The following AP1B1 variants were observed in gnomAD, a reference collection of about 807,000 sequenced individuals.
The protein encoded by AP1B1 is adaptor related protein complex 1 subunit beta 1.
AP1B1 carries 36 observed loss-of-function variants against 104.3 expected under a neutral mutation model. The observed-to-expected ratio is 0.35, with a 90% CI of 0.26 to 0.46. The LOEUF (loss-of-function observed/expected upper bound fraction) is 0.46. AP1B1 is among the 20% of genes least tolerant of loss of function. AP1B1 has a pLI of 1.00. For synonymous variants in AP1B1, 504 were observed against 517.5 expected (o/e 0.97, Z 0.35); for missense variants, 901 against 1,247.9 (o/e 0.72, Z 4.19).
At position 29,341,504 on chromosome 22, in the gene AP1B1, G is replaced by A. The variant is rs377532252; in HGVS notation, c.1793C>T (p.Ala598Val). The change falls in exon 13 of 23, where the codon GCC (alanine) becomes GTC (valine). Residue 598 changes from alanine to valine, a missense_variant. Coordinates refer to ENST00000357586, the MANE Select transcript of AP1B1 (RefSeq NM_001127.4). ...CCGACTGGCCAGTCTCACTCACGAGGCCGTGCGAGGTGGCAGGCTCTTGTG... is the reference window on the plus strand; with the variant it reads ...CCGACTGGCCAGTCTCACTCACGAGACCGTGCGAGGTGGCAGGCTCTTGTG... ...VVHKSLPPRT[A>V]SSESAESPET... The A allele has an allele frequency of 2.5e-6, 4 of 1,611,568 alleles. No individual in the cohort carries two copies. Among genetic ancestry groups the A allele is most frequent in the Non-Finnish European group, 3.4e-6 (4 of 1,178,210 alleles).
At chr22:29,373,328 T>C (rs953243326) in intron 1 of AP1B1, among the ~76,000 whole-genome samples, 3 of 152,172 alleles carry the variant, frequency 2.0e-5, no homozygotes, top group African/African-American at 7.2e-5. Context: ...TTCTGTGTAT[T>C]TCACATATTT....
Position 29,328,827 on chromosome 22 carries a change from C to T in AP1B1, c.2844G>A (p.Lys948=). Residue 948 remains lysine (K), a synonymous_variant, in exon 23 of 23, where the codon AAG becomes AAA. Coordinates refer to ENST00000357586, the MANE Select transcript of AP1B1 (RefSeq NM_001127.4). The surrounding 1 kb of genome is among the most constrained non-coding windows in gnomAD (Gnocchi z 4.1). ...HVYQAYETIL[K]N is the part of the protein sequence containing the mutation. ...GTGGGCGCTGGCCGGGGTCTCAGTT[C>T]TTGAGGATGGTCTCGTAGGCCTGGT... 3.7e-6 allele frequency: 6 copies of T among 1,606,542 alleles called. No individual in the cohort carries two copies. The highest frequency in any genetic ancestry group is 5.1e-6 in the Non-Finnish European group (6 of 1,178,328).
At chr22:29,382,857 C>A (rs2062459107) in intron 1 of AP1B1, among the ~76,000 whole-genome samples, 1 of 152,164 alleles carries the variant, frequency 6.6e-6, no homozygotes, top group Non-Finnish European at 1.5e-5. Context: ...GCCTTATGAT[C>A]AAGCGTGAGG....
At chr22:29,387,366 C>T (rs1015055618) in intron 1 of AP1B1, among the ~76,000 whole-genome samples, 24 of 143,790 alleles carry the variant, frequency 1.7e-4, no homozygotes, top group African/African-American at 6.0e-4. Context: ...GGAGTGCAGT[C>T]GCACGATCTC....
chr22:29,343,513 G>A (rs1244517439), intron 11 of AP1B1, among the ~76,000 whole-genome samples: 1 of 152,242 alleles, frequency 6.6e-6, no homozygotes, highest in Non-Finnish European at 1.5e-5. Flanking sequence ...TCCAAGGCAG[G>A]AGGCAGCCCA....
chr22:29,346,462 A>C (rs1030299335), intron 11 of AP1B1, among the ~76,000 whole-genome samples: 1 of 152,210 alleles, frequency 6.6e-6, no homozygotes, highest in Non-Finnish European at 1.5e-5. Context: ...TTAGGTTCTC[A>C]TAAGGAACAC....
At chr22:29,334,209 T>G in intron 17 of AP1B1, 56 bp downstream of exon 17, 3 of 1,488,586 alleles carry the variant, frequency 2.0e-6, no homozygotes, top group Non-Finnish European at 2.7e-6. Flanking sequence ...AGACTCCGAG[T>G]GGGTTCTCTC....
chr22:29,350,045 A>T lies in AP1B1; in HGVS notation c.1261T>A (p.Tyr421Asn). 1.2e-6 allele frequency: 2 copies of T among 1,614,078 alleles called. No homozygotes were observed. Among genetic ancestry groups the T allele is most frequent in the Non-Finnish European group, 1.7e-6 (2 of 1,179,920 alleles). Residue 421 changes from tyrosine to asparagine, a missense_variant, in exon 10 of 23, where the codon TAC becomes AAC. Transcript: ENST00000357586. ...IVVIKDIFRK[Y>N]PNKYESVIAT... ...AGGGCGGGCACGCACTTGTTGGGGT[A>T]CTTGCGGAAGATGTCCTTGATGACC...
intron 1 of AP1B1, among the ~76,000 whole-genome samples, chr22:29,372,763 T>C (rs1380929500): frequency 1.3e-5 from 2 of 152,176 alleles, no homozygotes; most frequent in African/African-American, 2.4e-5. Context: ...ACAAGAAATA[T>C]AGACTATCTT....
In AP1B1 at chr22:29,330,692, C is replaced by T; in HGVS notation, c.2542G>A (p.Ala848Thr). The T allele has an allele frequency of 6.2e-7, 1 of 1,613,266 alleles. No individual in the cohort carries two copies. Among genetic ancestry groups the T allele is most frequent in the Non-Finnish European group, 8.5e-7 (1 of 1,179,942 alleles). The change falls in exon 20 of 23, where the codon GCC becomes ACC. Residue 848 changes from alanine to threonine, a missense_variant. This residue lies in a region of AP1B1 where 424 missense variants were observed against 494.0 expected (regional missense o/e 0.86). Transcript: ENST00000357586. ...TCATTGGGAATATCCTTCCATGTGG[C>T]CAGGAACATCTGCCGGTCTGCGGGG... ...DGKMDRQMFL[A>T]TWKDIPNENE...
In AP1B1 at chr22:29,330,411, C is replaced by T. The variant is rs2061539391; in HGVS notation, c.2733G>A (p.Glu911=). 2 of 1,613,598 alleles carry T rather than the reference C, an allele frequency of 1.2e-6. No individual in the cohort carries two copies. The highest frequency in any genetic ancestry group is 1.7e-6 in the Non-Finnish European group (2 of 1,179,976). ...KLTNGIWVLA[E]LRIQPGNPSC... ...TGGGGTTGCCCGGCTGGATCCGCAG[C>T]TCCGCCAGCACCCAGATGCCGTTGG... The change falls in exon 21 of 23, where the codon GAG becomes GAA. Residue 911 remains glutamate (E), a synonymous_variant. Coordinates refer to ENST00000357586, the MANE Select transcript of AP1B1 (RefSeq NM_001127.4).
At chr22:29,388,206 C>A (rs746954957) in intron 1 of AP1B1, among the ~76,000 whole-genome samples, 12 of 152,178 alleles carry the variant, frequency 7.9e-5, no homozygotes, top group Non-Finnish European at 1.6e-4. Flanking sequence ...GGAGGTGCTG[C>A]GGGTATGGGG....
At chr22:29,330,337 G>A (rs752769609) in intron 21 of AP1B1, 41 bp downstream of exon 21, 1 of 1,609,054 alleles carries the variant, frequency 6.2e-7, no homozygotes, top group East Asian at 2.2e-5. Context: ...TGGGACGAAG[G>A]GGAGGCTCCA....
intron 6 of AP1B1, among the ~76,000 whole-genome samples, chr22:29,355,072 C>T (rs1245647485): frequency 6.6e-6 from 1 of 151,870 alleles, no homozygotes; most frequent in South Asian, 2.1e-4. Context: ...TTTGTCTCTA[C>T]CAAAAAATAT....
chr22:29,366,169 C>T (rs542667573), intron 2 of AP1B1, among the ~76,000 whole-genome samples: 4 of 152,238 alleles, frequency 2.6e-5, no homozygotes, highest in Admixed American at 6.5e-5. Context: ...TTGTCAGCCA[C>T]GACGACATCC....
Position 29,359,843 on chromosome 22 carries a change from G to C in AP1B1, c.260C>G (p.Ala87Gly). The C allele has an allele frequency of 6.2e-7, 1 of 1,613,834 alleles. No homozygotes were observed. Among genetic ancestry groups the C allele is most frequent in the Non-Finnish European group, 8.5e-7 (1 of 1,179,852 alleles). The part of the protein sequence containing the change: ...AKSQPDMAIM[A>G]VNTFVKDCED... ...GCTCACCTTCACAAAGGTGTTGACG[G>C]CCATAATGGCCATGTCAGGCTGACT... Residue 87 changes from alanine to glycine, a missense_variant, in exon 4 of 23, where the codon GCC (alanine) becomes GGC (glycine). Ala to Gly is a moderately conservative substitution (Grantham distance 60, BLOSUM62 0). Around this residue, in one of 3 missense-constraint regions of AP1B1, gnomAD observed 471 missense variants for 696.7 expected, o/e 0.68. Coordinates refer to ENST00000357586, the MANE Select transcript of AP1B1 (RefSeq NM_001127.4).
intron 11 of AP1B1, 60 bp from the exon 12 acceptor site, chr22:29,342,443 A>C: frequency 2.1e-6 from 3 of 1,404,242 alleles, no homozygotes; most frequent in Non-Finnish European, 3.0e-6. Context: ...TAGAGGGAGA[A>C]CAAAAAGGCT....
At chr22:29,382,890 C>G (rs1323126074) in intron 1 of AP1B1, among the ~76,000 whole-genome samples, 1 of 152,172 alleles carries the variant, frequency 6.6e-6, no homozygotes, top group Non-Finnish European at 1.5e-5. Flanking sequence ...ACTGAGTGAG[C>G]TGGAGCCACT....
In AP1B1 at chr22:29,330,619, T is replaced by C; in HGVS notation, c.2611+4A>G. On this transcript the variant is annotated splice_donor_region_variant and intron_variant, in intron 20 of 22. Transcript: ENST00000357586. ...GGCTGGGGTCGGGGGCTCGGAGTCC[T>C]CACCTGCATTGAGGGGGCAGTCTCT... 2 of 1,613,808 alleles carry C rather than the reference T, an allele frequency of 1.2e-6. No individual in the cohort carries two copies. The highest frequency in any genetic ancestry group is 1.7e-6 in the Non-Finnish European group (2 of 1,179,960).
Sources: gnomAD v4.1 joint callset for allele counts (sites outside exome capture counted in the v4.1 genomes callset) on GRCh38, gnomAD v4.1.1 for gene constraint, gnomAD v4.1.1 regional missense constraint, Gnocchi (gnomAD v3.1) non-coding constraint, MANE v1.5 for transcripts, NCBI Gene and HGNC (gene_info 2026-07-23, HGNC 2026-07-21) for gene names.